SRGAP3: variants seen among roughly 807,000 people sequenced by gnomAD.
SRGAP3 encodes the protein SLIT-ROBO Rho GTPase-activating protein 3.
Under a neutral mutation model 121.1 loss-of-function variants are expected in SRGAP3, and 39 were observed. The ratio of observed to expected loss-of-function variants is 0.32; its 90% CI spans 0.25 to 0.42. The LOEUF (loss-of-function observed/expected upper bound fraction) is 0.42, where lower values mean the gene tolerates loss of function less well. Among genes scored for constraint, SRGAP3 ranks in the 10% least tolerant of loss-of-function variants. SRGAP3 has a pLI of 1.00. For synonymous variants in SRGAP3, 601 were observed against 570.0 expected (o/e 1.05, Z -0.77); for missense variants, 1,213 against 1,470.6 (o/e 0.82, Z 2.86).
intron 14 of SRGAP3, among the ~76,000 whole-genome samples, chr3:9,017,908 G>A (rs940879111): frequency 6.6e-6 from 1 of 152,078 alleles, no homozygotes; most frequent in African/African-American, 2.4e-5. Flanking sequence ...AAATAGTGTT[G>A]CTAAGTATCG....
At chr3:9,144,298 CA>C (rs1284118434) in intron 1 of SRGAP3, among the ~76,000 whole-genome samples, 1 of 152,240 alleles carries the variant, frequency 6.6e-6, no homozygotes, top group Non-Finnish European at 1.5e-5. Context: ...CATCTTGTCC[CA>C]TTTGCTCTTT....
intron 1 of SRGAP3, among the ~76,000 whole-genome samples, chr3:9,125,587 C>T (rs1949193361): frequency 6.6e-6 from 1 of 152,228 alleles, no homozygotes; most frequent in Non-Finnish European, 1.5e-5. Context: ...AGATATCACA[C>T]TTCAGAAAAT....
intron 1 of SRGAP3, among the ~76,000 whole-genome samples, chr3:9,238,677 A>G (rs996636305): frequency 1.3e-5 from 2 of 152,186 alleles, no homozygotes; most frequent in Non-Finnish European, 2.9e-5. Context: ...AGAATCTAAG[A>G]GTGGAGAGAA....
chr3:9,277,220 T>A (rs188859670), intron 3 of SRGAP3, among the ~76,000 whole-genome samples: 1 of 152,340 alleles, frequency 6.6e-6, no homozygotes, highest in Admixed American at 6.5e-5. Context: ...GACATTATTC[T>A]CTCTGACTCA....
At chr3:9,144,832 G>A (rs976356157) in intron 1 of SRGAP3, among the ~76,000 whole-genome samples, 1 of 152,108 alleles carries the variant, frequency 6.6e-6, no homozygotes, top group Non-Finnish European at 1.5e-5. Flanking sequence ...TCTCAACTGT[G>A]GTATACTCAC....
intron 3 of SRGAP3, among the ~76,000 whole-genome samples, chr3:9,310,290 T>C (rs1169271223): frequency 2.0e-5 from 3 of 152,172 alleles, no homozygotes; most frequent in Non-Finnish European, 1.5e-5. Context: ...ATGTCCAATC[T>C]AGTGGATGCT....
chr3:9,037,853 G>A (rs566377804), intron 11 of SRGAP3: 103 of 646,318 alleles, frequency 1.6e-4, no homozygotes, highest in South Asian at 1.5e-3. Context: ...CCCTTCCATC[G>A]CCAGCCTGGA....
At chr3:9,095,329 T>A (rs972730359) in intron 3 of SRGAP3, among the ~76,000 whole-genome samples, 2 of 152,092 alleles carry the variant, frequency 1.3e-5, no homozygotes, top group African/African-American at 4.8e-5. Flanking sequence ...TGCTTTCTAA[T>A]GTTTTCTTTA....
intron 4 of SRGAP3, among the ~76,000 whole-genome samples, chr3:9,067,207 C>T (rs1265731353): frequency 1.3e-5 from 2 of 152,066 alleles, no homozygotes; most frequent in East Asian, 1.9e-4. Context: ...CTGAAACATG[C>T]TCACTTGGAA....
intron 1 of SRGAP3, among the ~76,000 whole-genome samples, chr3:9,229,735 G>A (rs1953130683): frequency 1.3e-5 from 2 of 152,164 alleles, no homozygotes; most frequent in South Asian, 4.1e-4. Flanking sequence ...ATTCTTCTCA[G>A]GGCTCAAGAT....
intron 4 of SRGAP3, among the ~76,000 whole-genome samples, chr3:9,066,068 G>A (rs961301383): frequency 5.9e-5 from 9 of 151,656 alleles, no homozygotes; most frequent in African/African-American, 2.2e-4. Context: ...CAAAGTGCTG[G>A]TATTATAGGT....
At chr3:9,091,223 T>G (rs1356682568) in intron 3 of SRGAP3, among the ~76,000 whole-genome samples, 1 of 152,076 alleles carries the variant, frequency 6.6e-6, no homozygotes, top group Non-Finnish European at 1.5e-5. Flanking sequence ...GCCTCTCTTC[T>G]CCTGTCTCAT....
intron 20 of SRGAP3, 161 bp downstream of exon 20, chr3:8,992,745 T>G (rs1204134669): frequency 7.8e-7 from 1 of 1,280,570 alleles, no homozygotes; most frequent in African/African-American, 1.5e-5. Flanking sequence ...CTGGCCTTCT[T>G]GGGCCAATGC....
At chr3:9,186,960 T>C (rs1398034714) in intron 1 of SRGAP3, among the ~76,000 whole-genome samples, 6 of 152,200 alleles carry the variant, frequency 3.9e-5, no homozygotes, top group Admixed American at 3.9e-4. Flanking sequence ...AGTTTTTTGT[T>C]TTTAAAATTT....
Position 9,057,648 on chromosome 3 carries a change from C to T in SRGAP3, c.1023+603G>A, listed in dbSNP as rs573595948. On this transcript the variant is annotated intron_variant, in intron 7 of 21. Coordinates refer to ENST00000383836, the MANE Select transcript of SRGAP3 (RefSeq NM_014850.4). ...GTTGGAGTGGGTTCCCCCAATGCCC[C>T]GAGGGAGCAGTGACACAGACAAGCT... Among the ~76,000 whole-genome samples the T allele has an allele frequency of 2.6e-4, 40 of 152,244 alleles. 1 individual carries two copies. In the Middle Eastern group the frequency reaches 0.02, roughly 78 times the overall value.
intron 1 of SRGAP3, among the ~76,000 whole-genome samples, chr3:9,128,611 A>C (rs551906656): frequency 7.2e-4 from 110 of 152,354 alleles, no homozygotes; most frequent in Non-Finnish European, 1.3e-3. Flanking sequence ...TACACAAAAG[A>C]AATCAGTGCT....
chr3:9,287,634 GA>G (rs973830896), intron 3 of SRGAP3, among the ~76,000 whole-genome samples: 2 of 152,166 alleles, frequency 1.3e-5, no homozygotes, highest in African/African-American at 4.8e-5. Flanking sequence ...AGTAAGCGTT[GA>G]AAAACTGTGT....
intron 1 of SRGAP3, among the ~76,000 whole-genome samples, chr3:9,136,576 C>T (rs1338507885): frequency 6.6e-6 from 1 of 152,244 alleles, no homozygotes; most frequent in Admixed American, 6.5e-5. Flanking sequence ...GACATCAGGC[C>T]ATTCTTTATT....
intron 3 of SRGAP3, among the ~76,000 whole-genome samples, chr3:9,307,983 C>T (rs1431043866): frequency 2.6e-5 from 4 of 152,196 alleles, no homozygotes; most frequent in African/African-American, 9.6e-5. Context: ...GGCGAAACCC[C>T]GTCTCTACTA....
Sources: gnomAD v4.1 joint callset for allele counts (sites outside exome capture counted in the v4.1 genomes callset) on GRCh38, gnomAD v4.1.1 for gene constraint, MANE v1.5 for transcripts, NCBI Gene and HGNC (gene_info 2026-07-23, HGNC 2026-07-21) for gene names.